The following POLA1 variants were observed in gnomAD, a reference collection of about 807,000 sequenced individuals.
The protein encoded by POLA1 is DNA polymerase alpha catalytic subunit.
POLA1 carries 15 observed loss-of-function variants against 124.0 expected under a neutral mutation model. The observed-to-expected ratio is 0.12, with a 90% confidence interval of 0.08 to 0.19. The LOEUF is 0.19. Ranked by LOEUF, POLA1 falls within the 10% of genes least tolerant of loss-of-function variation. The pLI is 1.00. For missense variants in POLA1, 886 were observed against 1,103.4 expected (o/e 0.80, Z 2.79); for synonymous variants, 408 against 389.4 (o/e 1.05, Z -0.56).
At chrX:24,937,075 AT>A (rs1185602647) in intron 36 of POLA1, among the ~76,000 whole-genome samples, 1 of 111,952 alleles carries the variant, frequency 8.9e-6, no homozygotes, top group African/African-American at 3.2e-5. Context: ...GTTTTTAAAA[AT>A]TGTTTCTTTG....
rs944782378 is a variant in POLA1, at chrX:24,724,978, A to T, written c.1317+527A>T. Among the ~76,000 whole-genome samples, 3 of 111,406 alleles carry T rather than the reference A, an allele frequency of 2.7e-5. No individual in the cohort carries two copies. The East Asian group carries it at 8.3e-4, about 31-fold the overall frequency. On this transcript the variant is annotated intron_variant, in intron 12 of 36. Coordinates refer to ENST00000379068, the MANE Select transcript of POLA1 (RefSeq NM_001330360.2). Reference sequence around the variant, plus strand: ...CTGCTCAAAATACTGGCTATTAATAATGATCGCAGGAAGGATTGAGTTGCT... The same window carrying T: ...CTGCTCAAAATACTGGCTATTAATATTGATCGCAGGAAGGATTGAGTTGCT...
chrX:24,798,499 T>G (rs1443179451), intron 26 of POLA1, among the ~76,000 whole-genome samples: 1 of 111,495 alleles, frequency 9.0e-6, no homozygotes, highest in African/African-American at 3.3e-5. Flanking sequence ...TTATCTTCCT[T>G]ATAATTTTCT....
chrX:24,937,761 G>A (rs751878750), intron 36 of POLA1, among the ~76,000 whole-genome samples: 5 of 111,888 alleles, frequency 4.5e-5, no homozygotes, highest in Admixed American at 1.9e-4. Context: ...ATTCCTCCGC[G>A]TGTTAAAGTT....
chrX:24,863,299 A>G (rs1445097293), intron 34 of POLA1, among the ~76,000 whole-genome samples: 17 of 105,405 alleles, frequency 1.6e-4, no homozygotes, highest in African/African-American at 4.9e-4. Context: ...CCTAATCGAC[A>G]TTCTACAACA....
At chrX:24,777,822 C>T (rs1409550075) in intron 26 of POLA1, among the ~76,000 whole-genome samples, 1 of 111,865 alleles carries the variant, frequency 8.9e-6, no homozygotes, top group Non-Finnish European at 1.9e-5. Context: ...CCATTAATTG[C>T]TTCTATGGGC....
rs1237582031 is a variant in POLA1 at position 24,719,996 on chromosome X, TA to T, written c.1087+2250del. 6.1e-4 allele frequency among the ~76,000 whole-genome samples: 63 copies of T among 103,896 alleles called. 1 individual carries two copies. The highest frequency in any genetic ancestry group is 6.9e-4 in the African/African-American group (20 of 28,793). 90.2% of individuals were successfully genotyped at this position (103,896 alleles called of 115,157 possible). On this transcript the variant is annotated intron_variant, in intron 10 of 36. Transcript: ENST00000379068. The stretch of plus-strand genomic sequence containing the variant: ...CAATTCTGACCATGTCAGTCGTCAT[TA>T]AAAAAAAAAAATCCTCAGTGGCTAC...
At chrX:24,714,121 T>A (rs1929658220) in intron 4 of POLA1, among the ~76,000 whole-genome samples, 1 of 112,605 alleles carries the variant, frequency 8.9e-6, no homozygotes, top group Non-Finnish European at 1.9e-5. Context: ...ATTTAAAATA[T>A]TTTTTCCTAC....
intron 36 of POLA1, among the ~76,000 whole-genome samples, chrX:24,953,992 A>G (rs1326173218): frequency 2.7e-5 from 3 of 111,568 alleles, no homozygotes; most frequent in African/African-American, 9.8e-5. Flanking sequence ...TACATTTGTG[A>G]GTTGTGTTGC....
rs753714498 is a variant in POLA1, at chrX:24,716,359, T to TA, written c.526-2dup. 3.7e-6 allele frequency: 4 copies of TA among 1,088,466 alleles called. No individual in the cohort carries two copies. The highest frequency in any genetic ancestry group is 5.1e-6 in the Non-Finnish European group (4 of 785,818). 89.7% of individuals were successfully genotyped at this position (1,088,466 alleles called of 1,213,427 possible). ...AGTGAATATGTCTTACCTTTCCTTT[T>TA]AGACACCTCAAATAACTCCACCACC... On this transcript the variant is annotated splice_polypyrimidine_tract_variant and splice_region_variant and intron_variant, in intron 6 of 36. Transcript: ENST00000379068.
rs1465606594 is a variant in POLA1 at position 24,930,465 on chromosome X, T to A, written c.4177T>A (p.Ser1393Thr). Residue 1393 changes from serine to threonine, a missense_variant, in exon 36 of 37, where the codon TCC (serine) becomes ACC (threonine). By Grantham distance (58) the Ser-to-Thr change is moderately conservative. This residue lies in a region of POLA1 where 313 missense variants were observed against 359.7 expected (regional missense o/e 0.87). Coordinates refer to ENST00000379068, the MANE Select transcript of POLA1 (RefSeq NM_001330360.2). Reference sequence around the variant, plus strand: ...TGTTATATTACAGTATTCTGACAAGTCCCTGTACACCCAGCTGTGCTTTTA... The same window carrying A: ...TGTTATATTACAGTATTCTGACAAGACCCTGTACACCCAGCTGTGCTTTTA... ...ATLQPEYSDK[S>T]LYTQLCFYRY... 1 of 1,179,180 alleles carries A rather than the reference T, an allele frequency of 8.5e-7. No individual in the cohort carries two copies. The highest frequency in any genetic ancestry group is 1.2e-6 in the Non-Finnish European group (1 of 865,533).
intron 26 of POLA1, among the ~76,000 whole-genome samples, chrX:24,772,029 T>C (rs1372557234): frequency 8.9e-6 from 1 of 112,129 alleles, no homozygotes; most frequent in Non-Finnish European, 1.9e-5. Context: ...GGATTATAGT[T>C]CATTTTTAGA....
chrX:24,964,248 G>A (rs2048199025), intron 36 of POLA1, among the ~76,000 whole-genome samples: 1 of 112,403 alleles, frequency 8.9e-6, no homozygotes, highest in Non-Finnish European at 1.9e-5. Context: ...ACCCCCAGAA[G>A]GGAAATAGTC....
chrX:24,935,796 C>T (rs1442837611), intron 36 of POLA1, among the ~76,000 whole-genome samples: 2 of 112,481 alleles, frequency 1.8e-5, no homozygotes, highest in Non-Finnish European at 3.8e-5. Flanking sequence ...TCCTATTGTC[C>T]TTTCACGTGT....
chrX:24,725,080 C>A (rs1425069862), intron 12 of POLA1, among the ~76,000 whole-genome samples: 1 of 110,885 alleles, frequency 9.0e-6, no homozygotes, highest in African/African-American at 3.3e-5. Context: ...ATTCTAGAAG[C>A]AATTGTGATA....
Position 24,950,184 on chromosome X carries a change from C to T in POLA1, c.4261+19635C>T, listed in dbSNP as rs780530564. Among the ~76,000 whole-genome samples, 8 of 112,136 alleles carry T rather than the reference C, an allele frequency of 7.1e-5. No individual in the cohort carries two copies. In the East Asian group the frequency reaches 1.1e-3, roughly 16 times the overall value. Reference sequence around the variant, plus strand: ...AATTTATCCAGATTTGCAACTGCTACGTGTTGGAGCTGAGCTATAACTCAT... The same window carrying T: ...AATTTATCCAGATTTGCAACTGCTATGTGTTGGAGCTGAGCTATAACTCAT... On this transcript the variant is annotated intron_variant, in intron 36 of 36. Coordinates refer to ENST00000379068, the MANE Select transcript of POLA1 (RefSeq NM_001330360.2).
chrX:24,943,757 T>G (rs777935204), intron 36 of POLA1, among the ~76,000 whole-genome samples: 7 of 112,864 alleles, frequency 6.2e-5, no homozygotes, highest in African/African-American at 2.2e-4. Context: ...GAATCATCTT[T>G]CTTCACTTAT....
chrX:24,809,970 A>C, intron 27 of POLA1, 40 bp downstream of exon 27: 27 of 859,331 alleles, frequency 3.1e-5, no homozygotes, highest in African/African-American at 5.9e-5. Flanking sequence ...CTTAAATATC[A>C]TAACTGGTAA....
chrX:24,719,329 A>T (rs983672736), intron 10 of POLA1, among the ~76,000 whole-genome samples: 1 of 111,714 alleles, frequency 9.0e-6, no homozygotes, highest in Non-Finnish European at 1.9e-5. Context: ...GCTTCAGCTT[A>T]TCAAATATAT....
At chrX:24,824,081 T>C (rs1050742250) in intron 31 of POLA1, among the ~76,000 whole-genome samples, 1 of 111,983 alleles carries the variant, frequency 8.9e-6, no homozygotes, top group South Asian at 3.7e-4. Flanking sequence ...ATTAGTTTCC[T>C]ACTAACGATG....
Sources: gnomAD v4.1 joint callset for allele counts (sites outside exome capture counted in the v4.1 genomes callset) on GRCh38, gnomAD v4.1.1 for gene constraint, gnomAD v4.1.1 regional missense constraint, MANE v1.5 for transcripts, NCBI Gene and HGNC (gene_info 2026-07-23, HGNC 2026-07-21) for gene names.